Variants in SLC44A5 observed in about 807,000 individuals in gnomAD.
SLC44A5 encodes the protein choline transporter-like protein 5.
Under a neutral mutation model 101.8 loss-of-function variants are expected in SLC44A5, and 57 were observed. The ratio of observed to expected loss-of-function variants is 0.56; its 90% CI spans 0.45 to 0.70. The LOEUF is 0.70. Ranked by LOEUF, SLC44A5 falls within the 30% of genes least tolerant of loss-of-function variation. The pLI, the probability that SLC44A5 is intolerant of heterozygous loss-of-function variation, is 0.00. For synonymous variants in SLC44A5, 281 were observed against 290.9 expected (o/e 0.97, Z 0.35); for missense variants, 737 against 853.1 (o/e 0.86, Z 1.70).
At chr1:75,298,705 C>T (rs755320408) in intron 5 of SLC44A5, among the ~76,000 whole-genome samples, 3 of 151,934 alleles carry the variant, frequency 2.0e-5, no homozygotes, top group African/African-American at 7.3e-5. Context: ...TTGTGAAGTT[C>T]CTGTGTGCAG....
the SLC44A5 span, among the ~76,000 whole-genome samples, chr1:75,647,325 T>C: frequency 6.6e-6 from 1 of 152,158 alleles, no homozygotes; most frequent in Admixed American, 6.5e-5. Context: ...TCAGAGGATG[T>C]ATGGAAATGC....
the SLC44A5 span, among the ~76,000 whole-genome samples, chr1:75,644,388 T>C: frequency 3.3e-5 from 5 of 151,936 alleles, no homozygotes; most frequent in African/African-American, 9.7e-5. Context: ...AGAGAAACAA[T>C]TGGCCTATAA....
chr1:75,664,844 C>CA, the SLC44A5 span, among the ~76,000 whole-genome samples: 1 of 150,926 alleles, frequency 6.6e-6, no homozygotes, highest in East Asian at 2.0e-4. Context: ...TGGTGTGAAC[C>CA]TGGGAGGCTG....
chr1:75,351,302 CAAA>C (rs1489816762), intron 3 of SLC44A5, among the ~76,000 whole-genome samples: 1 of 151,576 alleles, frequency 6.6e-6, no homozygotes, highest in Non-Finnish European at 1.5e-5. Flanking sequence ...ATCAAAGAGA[CAAA>C]AATCATCAGT....
At chr1:75,469,629 T>C (rs1485707220) in intron 2 of SLC44A5, among the ~76,000 whole-genome samples, 1 of 152,032 alleles carries the variant, frequency 6.6e-6, no homozygotes, top group East Asian at 1.9e-4. Context: ...AGACAAAAAG[T>C]AGAGTCAGAC....
chr1:75,655,322 T>C, the SLC44A5 span, among the ~76,000 whole-genome samples: 1 of 152,114 alleles, frequency 6.6e-6, no homozygotes, highest in Non-Finnish European at 1.5e-5. Context: ...TAAATAAAGC[T>C]ATGCAGCACC....
chr1:75,643,844 G>A, the SLC44A5 span, among the ~76,000 whole-genome samples: 1 of 152,184 alleles, frequency 6.6e-6, no homozygotes, highest in African/African-American at 2.4e-5. Flanking sequence ...CCCAGTCTTA[G>A]ATATGTCTTT....
chr1:75,400,021 T>C (rs12735112), intron 2 of SLC44A5, among the ~76,000 whole-genome samples: 5,987 of 152,274 alleles, frequency 0.039, 163 homozygotes, highest in Middle Eastern at 0.071. Flanking sequence ...AATGAAATCA[T>C]GTCCATAGCA....
the SLC44A5 span, among the ~76,000 whole-genome samples, chr1:75,691,565 G>A: frequency 6.6e-5 from 10 of 152,144 alleles, no homozygotes; most frequent in African/African-American, 2.2e-4. Context: ...AATGAAAAAG[G>A]GGGAAAATCT....
chr1:75,529,617 C>G (rs953162452), intron 2 of SLC44A5, among the ~76,000 whole-genome samples: 1 of 152,114 alleles, frequency 6.6e-6, no homozygotes, highest in Non-Finnish European at 1.5e-5. Context: ...TGTAATGAAT[C>G]AGTCTACTTT....
At chr1:75,403,544 C>G (rs967258786) in intron 2 of SLC44A5, among the ~76,000 whole-genome samples, 1 of 152,124 alleles carries the variant, frequency 6.6e-6, no homozygotes, top group Non-Finnish European at 1.5e-5. Flanking sequence ...TCTGGTGATA[C>G]CCAGGAAAAC....
chr1:75,222,208 G>A (rs548086323), intron 14 of SLC44A5, among the ~76,000 whole-genome samples, 153 bp downstream of exon 14: 6 of 151,978 alleles, frequency 3.9e-5, no homozygotes, highest in Non-Finnish European at 8.8e-5. Context: ...AGCCTGCCTC[G>A]GCCTCCCAAA....
chr1:75,291,116 A>G (rs557778843), intron 5 of SLC44A5, among the ~76,000 whole-genome samples: 9 of 152,278 alleles, frequency 5.9e-5, no homozygotes, highest in African/African-American at 2.2e-4. Context: ...GTTTGTTTGC[A>G]TTTGACTTTT....
At chr1:75,406,920 T>A (rs1257170322) in intron 2 of SLC44A5, among the ~76,000 whole-genome samples, 2 of 152,206 alleles carry the variant, frequency 1.3e-5, no homozygotes, top group South Asian at 2.1e-4. Flanking sequence ...AGTCAAATTG[T>A]CTCTGCTTGT....
intron 5 of SLC44A5, among the ~76,000 whole-genome samples, chr1:75,294,813 T>A (rs1653835109): frequency 6.6e-6 from 1 of 152,126 alleles, no homozygotes; most frequent in Non-Finnish European, 1.5e-5. Flanking sequence ...CCTTTATATG[T>A]GAAATCTAAA....
At chr1:75,631,539 ATTTTTTTTTTTT>A in the SLC44A5 span, among the ~76,000 whole-genome samples, 1 of 80,850 alleles carries the variant, frequency 1.2e-5, no homozygotes, top group Non-Finnish European at 2.2e-5. Flanking sequence ...CACCTGGCTA[ATTTTTTTTTTTT>A]TTTTTTTTTT....
At chr1:75,388,987 G>C (rs528343302) in intron 3 of SLC44A5, among the ~76,000 whole-genome samples, 2 of 151,614 alleles carry the variant, frequency 1.3e-5, no homozygotes, top group South Asian at 2.1e-4. Flanking sequence ...ATAGAAAAAG[G>C]TCTATCAAAT....
At chr1:75,721,383 A>C in the SLC44A5 span, among the ~76,000 whole-genome samples, 2 of 152,214 alleles carry the variant, frequency 1.3e-5, no homozygotes, top group Admixed American at 1.3e-4. Flanking sequence ...AAGCTTTCTT[A>C]AAACGTTATG....
intron 9 of SLC44A5, among the ~76,000 whole-genome samples, chr1:75,239,973 C>T (rs1648473892): frequency 1.3e-5 from 2 of 152,042 alleles, no homozygotes; most frequent in African/African-American, 4.8e-5. Context: ...TTTCTGTGCA[C>T]TCTTTCCCTT....
Sources: gnomAD v4.1 joint callset for allele counts (sites outside exome capture counted in the v4.1 genomes callset) on GRCh38, gnomAD v4.1.1 for gene constraint, MANE v1.5 for transcripts, NCBI Gene and HGNC (gene_info 2026-07-23, HGNC 2026-07-21) for gene names.